SOS1: variants seen among roughly 807,000 people sequenced by gnomAD.
The protein encoded by SOS1 is son of sevenless homolog 1.
In SOS1, 25 loss-of-function variants were observed where a neutral mutation model predicts 157.6. The observed-to-expected ratio is 0.16, with a 90% CI of 0.12 to 0.22. SOS1 has a LOEUF of 0.22. SOS1 is among the 10% of genes least tolerant of loss of function. The probability of loss-of-function intolerance (pLI) is 1.00; values close to 1 mark genes in which losing one functional copy is unlikely to be tolerated. For missense variants in SOS1, 1,237 were observed against 1,599.1 expected, an observed-to-expected ratio of 0.77 and a Z score of 3.86; for synonymous variants, 528 against 534.0, an observed-to-expected ratio of 0.99 and a Z score of 0.16.
chr2:39,078,164 G>A (rs9808142), intron 1 of SOS1, among the ~76,000 whole-genome samples: 69,171 of 151,934 alleles, frequency 0.46, 18,857 homozygotes, highest in East Asian at 0.65. Flanking sequence ...ATATTAGAAA[G>A]GTGCTCAGCC....
chr2:38,996,693 T>G (rs1009286178), intron 19 of SOS1, among the ~76,000 whole-genome samples: 1 of 152,182 alleles, frequency 6.6e-6, no homozygotes, highest in African/African-American at 2.4e-5. Context: ...AATTAAAAAC[T>G]TACATAATAT....
At chr2:39,058,914 T>C (rs1671306823) in intron 2 of SOS1, 110 bp from the exon 3 acceptor site, 2 of 822,924 alleles carry the variant, frequency 2.4e-6, no homozygotes, top group Non-Finnish European at 3.9e-6. Context: ...TTTTCACATG[T>C]GGTATAATTT....
At chr2:39,071,240 A>C (rs1490744977) in intron 1 of SOS1, among the ~76,000 whole-genome samples, 1 of 152,144 alleles carries the variant, frequency 6.6e-6, no homozygotes, top group Non-Finnish European at 1.5e-5. Flanking sequence ...TAATACTGCA[A>C]ATATTGAACC....
At chr2:39,060,040 G>A (rs1165829026) in intron 2 of SOS1, among the ~76,000 whole-genome samples, 1 of 152,106 alleles carries the variant, frequency 6.6e-6, no homozygotes, top group Non-Finnish European at 1.5e-5. Context: ...CAGGTGAAAA[G>A]GGAGAAAAGG....
Position 38,984,137 on chromosome 2 carries a change from T to C in SOS1, c.*1687A>G, listed in dbSNP as rs1469683307. On this transcript the variant is annotated 3_prime_UTR_variant, in exon 23 of 23. Coordinates refer to ENST00000402219, the MANE Select transcript of SOS1 (RefSeq NM_005633.4). The stretch of plus-strand genomic sequence containing the variant: ...CCATGTTGCAGCACTTCTAAAAATG[T>C]CTCTAATGGTGTGGTTAACAGAATT... 6.6e-6 allele frequency: 1 copy of C among 152,158 alleles called. No individual in the cohort carries two copies. Among genetic ancestry groups the C allele is most frequent in the African/African-American group, 2.4e-5 (1 of 41,432 alleles). The allele number at this position is 152,158 out of a possible 1,614,324, so 9.4% of individuals were successfully genotyped here. A position where few individuals can be genotyped will look rare whatever the true frequency, so the allele number is the denominator to read the frequency against.
At chr2:39,072,243 G>A (rs892206303) in intron 1 of SOS1, among the ~76,000 whole-genome samples, 1 of 151,862 alleles carries the variant, frequency 6.6e-6, no homozygotes, top group Non-Finnish European at 1.5e-5. Context: ...TCCTTTTTTG[G>A]ATAGTGATGT....
intron 1 of SOS1, among the ~76,000 whole-genome samples, chr2:39,073,085 C>T (rs1671843429): frequency 6.6e-6 from 1 of 152,200 alleles, no homozygotes. Flanking sequence ...GATAGTGTTA[C>T]AGCCAAAGTG....
intron 6 of SOS1, among the ~76,000 whole-genome samples, chr2:39,041,533 G>A (rs1039847794): frequency 1.3e-5 from 2 of 152,100 alleles, no homozygotes; most frequent in African/African-American, 4.8e-5. Context: ...TAATTTTGAA[G>A]AAGTCCAAAT....
Position 38,981,742 on chromosome 2 carries a change from A to G in SOS1, c.*4082T>C, listed in dbSNP as rs1216830914. 6.6e-6 allele frequency: 1 copy of G among 152,204 alleles called. No homozygotes were observed. Among genetic ancestry groups the G allele is most frequent in the African/African-American group, 2.4e-5 (1 of 41,456 alleles). The allele number at this position is 152,204 out of a possible 1,614,324, so 9.4% of individuals were successfully genotyped here. On this transcript the variant is annotated 3_prime_UTR_variant, in exon 23 of 23. Coordinates refer to ENST00000402219, the MANE Select transcript of SOS1 (RefSeq NM_005633.4). ...TAGACCACACTTTGTTCTTACATCA[A>G]AGACCGACCGACAGAGCAATTTTTT... is the stretch of plus-strand genomic sequence containing the variant.
At chr2:39,024,837 A>G (rs1039477505) in intron 8 of SOS1, among the ~76,000 whole-genome samples, 3 of 152,256 alleles carry the variant, frequency 2.0e-5, no homozygotes, top group Non-Finnish European at 1.5e-5. Flanking sequence ...TAACATTAGT[A>G]TAATAAAGAA....
Position 39,118,665 on chromosome 2 carries a change from G to A in SOS1, c.87+1671C>T, listed in dbSNP as rs370012988. Among the ~76,000 whole-genome samples, 3 of 152,310 alleles carry A rather than the reference G, an allele frequency of 2.0e-5. No individual in the cohort carries two copies. In the South Asian group the frequency reaches 6.2e-4, roughly 32 times the overall value. ...ATTTACTCAACTCCAGCAGTTTAGT[G>A]CCTCGCTTGAATACAGGCCCTAAAT... On this transcript the variant is annotated intron_variant, in intron 1 of 22. Transcript: ENST00000402219.
rs566574756 is a variant in SOS1, at chr2:39,010,824, A to G, written c.2391-121T>C. ...ATATGAACTTTCCTCTTATACCAAC[A>G]GAAAGGTCTGTGAAAACAAGGTATA... On this transcript the variant is annotated intron_variant, in intron 14 of 22. Coordinates refer to ENST00000402219, the MANE Select transcript of SOS1 (RefSeq NM_005633.4). 1,746 of 763,670 alleles carry G rather than the reference A, an allele frequency of 2.3e-3. 1 individual carries two copies. The highest frequency in any genetic ancestry group is 3.3e-3 in the Non-Finnish European group (1,495 of 453,482). 47.3% of individuals were successfully genotyped at this position (763,670 alleles called of 1,614,324 possible). A position where few individuals can be genotyped will look rare whatever the true frequency, so the allele number is the denominator to read the frequency against.
intron 1 of SOS1, among the ~76,000 whole-genome samples, chr2:39,095,900 G>A (rs770902071): frequency 1.1e-4 from 16 of 152,254 alleles, no homozygotes; most frequent in Admixed American, 3.9e-4. Context: ...GTCAGTCAAC[G>A]GTGCTTTCAA....
intron 6 of SOS1, among the ~76,000 whole-genome samples, chr2:39,045,247 A>AGGGAGAGT (rs150513425): frequency 7.7e-6 from 1 of 129,308 alleles, no homozygotes; most frequent in East Asian, 2.2e-4. Flanking sequence ...AGAGAGGGAG[A>AGGGAGAGT]GAGAGAGAGA....
In SOS1 at chr2:39,070,715, G is replaced by C. The variant is rs145915217; in HGVS notation, c.88-2962C>G. Among the ~76,000 whole-genome samples the C allele has an allele frequency of 6.2e-3, 951 of 152,236 alleles. 6 individuals are homozygous for C. The highest frequency in any genetic ancestry group is 0.011 in the Non-Finnish European group (734 of 68,022). On this transcript the variant is annotated intron_variant, in intron 1 of 22. Coordinates refer to ENST00000402219, the MANE Select transcript of SOS1 (RefSeq NM_005633.4). ...TATAGACTGCTCCTGATTTCACTTA[G>C]ATGTAGTCCTAGAAAATGTAGCTAT...
chr2:38,998,468 C>T (rs1668975864), intron 17 of SOS1, among the ~76,000 whole-genome samples: 1 of 152,112 alleles, frequency 6.6e-6, no homozygotes, highest in African/African-American at 2.4e-5. Flanking sequence ...CCAGGCTGGT[C>T]TCAAACTCCT....
At chr2:39,105,290 AT>A (rs917069785) in intron 1 of SOS1, among the ~76,000 whole-genome samples, 545 of 143,954 alleles carry the variant, frequency 3.8e-3, no homozygotes, top group Admixed American at 3.7e-3. Flanking sequence ...ATCCTGAACT[AT>A]TTTTTTTTTT....
At chr2:39,045,774 A>G (rs376371444) in intron 6 of SOS1, among the ~76,000 whole-genome samples, 127 of 152,252 alleles carry the variant, frequency 8.3e-4, no homozygotes, top group African/African-American at 3.0e-3. Context: ...CAGTGGCATG[A>G]TCTAGGCTCA....
intron 6 of SOS1, among the ~76,000 whole-genome samples, chr2:39,040,104 C>G (rs1203322401): frequency 6.6e-6 from 1 of 152,062 alleles, no homozygotes; most frequent in African/African-American, 2.4e-5. Flanking sequence ...CTCCGCCTCC[C>G]AGGTTCACAC....
Sources: gnomAD v4.1 joint callset for allele counts (sites outside exome capture counted in the v4.1 genomes callset) on GRCh38, gnomAD v4.1.1 for gene constraint, MANE v1.5 for transcripts, NCBI Gene and HGNC (gene_info 2026-07-23, HGNC 2026-07-21) for gene names.